Variants in SLC38A10 observed in about 807,000 individuals in gnomAD.
SLC38A10 encodes solute carrier family 38 member 10, also known as Sodium-coupled neutral amino acid transporter 10.
SLC38A10 carries 53 observed loss-of-function variants against 81.0 expected under a neutral mutation model. The observed-to-expected ratio is 0.65, with a 90% CI of 0.53 to 0.82. The LOEUF (loss-of-function observed/expected upper bound fraction) is 0.82. SLC38A10 is among the 40% of genes least tolerant of loss of function. The pLI is 0.00. For missense variants in SLC38A10, 1,471 were observed against 1,545.0 expected, an observed-to-expected ratio of 0.95 and a Z score of 0.80; for synonymous variants, 665 against 655.3, an observed-to-expected ratio of 1.01 and a Z score of -0.23.
intron 11 of SLC38A10, among the ~76,000 whole-genome samples, chr17:81,257,640 G>C (rs1598385405): frequency 6.6e-6 from 1 of 152,236 alleles, no homozygotes; most frequent in South Asian, 2.1e-4. Context: ...GCTTGGGCCT[G>C]AGCACACAGA....
chr17:81,284,793 T>A, intron 3 of SLC38A10, 57 bp downstream of exon 3: 3 of 1,255,234 alleles, frequency 2.4e-6, no homozygotes, highest in Non-Finnish European at 3.2e-6. Flanking sequence ...ACCGGGAGGG[T>A]CCCCAGTGTC....
chr17:81,284,881 C>T lies in SLC38A10; in HGVS notation c.232G>A (p.Gly78Arg), dbSNP rs754405458. The change falls in exon 3 of 16, where the codon GGG (glycine) becomes AGG (arginine). Residue 78 changes from glycine to arginine, a missense_variant. Gly to Arg is a moderately radical substitution (Grantham distance 125, BLOSUM62 -2). Transcript: ENST00000374759. The part of the protein sequence containing the change: ...TYAGLAFHAY[G>R]KAGKMLVETS... ...TCCACCAGCATCTTGCCTGCCTTCC[C>T]GTAGGCGTGGAATGCTAGTGCAAAA... 20 of 1,545,334 alleles carry T rather than the reference C, an allele frequency of 1.3e-5. No homozygotes were observed. Among genetic ancestry groups the T allele is most frequent in the East Asian group, 2.5e-5 (1 of 40,258 alleles).
chr17:81,260,288 C>T lies in SLC38A10; in HGVS notation c.1238G>A (p.Arg413Gln), dbSNP rs1308817863. The change falls in exon 11 of 16, where the codon CGG (arginine) becomes CAG (glutamine). Residue 413 changes from arginine to glutamine, a missense_variant. Physicochemically the swap from Arg to Gln is conservative, Grantham distance 43. Coordinates refer to ENST00000374759, the MANE Select transcript of SLC38A10 (RefSeq NM_001037984.3). ...EDLAEEAPGG[R>Q]LGEAEGLMKV... ...CATCAAACCCTCGGCCTCTCCAAGC[C>T]GGCCGCCAGGGGCTTCCTCTGCCAA... The T allele has an allele frequency of 3.1e-6, 5 of 1,606,520 alleles. No homozygotes were observed. Among genetic ancestry groups the T allele is most frequent in the East Asian group, 2.2e-5 (1 of 44,688 alleles).
chr17:81,246,378 G>C lies in SLC38A10; in HGVS notation c.2538C>G (p.Gly846=). The C allele has an allele frequency of 1.2e-6, 2 of 1,601,286 alleles. No individual in the cohort carries two copies. The highest frequency in any genetic ancestry group is 1.7e-6 in the Non-Finnish European group (2 of 1,176,178). The change falls in exon 16 of 16, where the codon GGC becomes GGG. Residue 846 remains glycine, a synonymous_variant. Coordinates refer to ENST00000374759, the MANE Select transcript of SLC38A10 (RefSeq NM_001037984.3). ...GGCCCTTGGGGAGCTCCTTCACAGT[G>C]CCAGCTGCCCTGGGGGCGGCATCCT... ...GQKDAAPRAA[G]TVKELPKGPE... is the part of the protein sequence containing the mutation.
intron 10 of SLC38A10, among the ~76,000 whole-genome samples, chr17:81,267,422 A>C (rs2063079497): frequency 6.6e-6 from 1 of 152,174 alleles, no homozygotes; most frequent in African/African-American, 2.4e-5. Flanking sequence ...TTCTTCTTTT[A>C]AAATAGTACT....
chr17:81,287,903 A>G (rs2063280723), intron 2 of SLC38A10, among the ~76,000 whole-genome samples: 1 of 152,188 alleles, frequency 6.6e-6, no homozygotes, highest in African/African-American at 2.4e-5. Flanking sequence ...GACCTCAGTG[A>G]GGAGAAAAGG....
intron 14 of SLC38A10, 123 bp from the exon 15 acceptor site, chr17:81,247,184 G>C: frequency 1.0e-6 from 1 of 984,492 alleles, no homozygotes; most frequent in Non-Finnish European, 1.4e-6. Flanking sequence ...CCCGAACACT[G>C]GCCACTGGTG....
At chr17:81,261,897 C>T (rs1026001798) in intron 10 of SLC38A10, among the ~76,000 whole-genome samples, 3 of 152,342 alleles carry the variant, frequency 2.0e-5, no homozygotes, top group Non-Finnish European at 2.9e-5. Flanking sequence ...TCCGGAGGTC[C>T]GGACGGGGCC....
chr17:81,256,128 A>C (rs1342180351), intron 11 of SLC38A10, among the ~76,000 whole-genome samples: 1 of 152,170 alleles, frequency 6.6e-6, no homozygotes, highest in African/African-American at 2.4e-5. Context: ...ACCCACAAAA[A>C]CACACACCTT....
chr17:81,292,367 C>T (rs1328888109), intron 1 of SLC38A10, among the ~76,000 whole-genome samples: 1 of 152,022 alleles, frequency 6.6e-6, no homozygotes, highest in African/African-American at 2.4e-5. Flanking sequence ...CCTCGTGATC[C>T]ACCCTCCTCA....
rs767303087 is a variant in SLC38A10, at chr17:81,246,146, G to A, written c.2770C>T (p.Pro924Ser). The change falls in exon 16 of 16, where the codon CCT becomes TCT. Residue 924 changes from proline to serine, a missense_variant. Pro to Ser is a moderately conservative substitution (Grantham distance 74). Around this residue, in one of 2 missense-constraint regions of SLC38A10, gnomAD observed 751 missense variants for 717.4 expected, o/e 1.05. Coordinates refer to ENST00000374759, the MANE Select transcript of SLC38A10 (RefSeq NM_001037984.3). ...CTCACTTGCTTGGGCTTCATGCGAG[G>A]GTCCCCCGTCTCTGCTCCTGGCCCT... ...VAGPGAETGD[P>S]RMKPKQVSRD... 6.2e-7 allele frequency: 1 copy of A among 1,610,916 alleles called. No homozygotes were observed. Among genetic ancestry groups the A allele is most frequent in the Non-Finnish European group, 8.5e-7 (1 of 1,179,816 alleles).
At chr17:81,291,354 G>A (rs113880513) in intron 1 of SLC38A10, among the ~76,000 whole-genome samples, 27 of 152,064 alleles carry the variant, frequency 1.8e-4, no homozygotes, top group Middle Eastern at 3.4e-3. Context: ...AGGCTTGGTG[G>A]TGGGCGCCTG....
intron 15 of SLC38A10, 70 bp downstream of exon 15, chr17:81,246,815 C>T: frequency 6.6e-7 from 1 of 1,519,156 alleles, no homozygotes; most frequent in Non-Finnish European, 8.8e-7. Context: ...AGCCTCAGAC[C>T]CAGCCGCATG....
Position 81,286,180 on chromosome 17 carries a change from G to A in SLC38A10, c.218-1285C>T, listed in dbSNP as rs994775869. Among the ~76,000 whole-genome samples, 25 of 152,162 alleles carry A rather than the reference G, an allele frequency of 1.6e-4. No homozygotes were observed. Among genetic ancestry groups the A allele is most frequent in the African/African-American group, 5.8e-4 (24 of 41,428 alleles). On this transcript the variant is annotated intron_variant, in intron 2 of 15. Coordinates refer to ENST00000374759, the MANE Select transcript of SLC38A10 (RefSeq NM_001037984.3). The surrounding 1 kb of genome is among the most constrained non-coding windows in gnomAD (Gnocchi z 6.0). Reference sequence around the variant, plus strand: ...GCACAGCCCGGAAGCAACAAAACACGGCGCTCCAAACATGAAGTTGCTCCT... The same window carrying A: ...GCACAGCCCGGAAGCAACAAAACACAGCGCTCCAAACATGAAGTTGCTCCT...
At chr17:81,273,377 C>A (rs2063134249) in intron 8 of SLC38A10, among the ~76,000 whole-genome samples, 1 of 152,108 alleles carries the variant, frequency 6.6e-6, no homozygotes. Flanking sequence ...ACTCACCAGC[C>A]CCACCTGTGT....
rs755370875 is a variant in SLC38A10 at position 81,251,267 on chromosome 17, C to G, written c.2065+226G>C. ...GTAATCACAAGCCATGTGACGATGCCGCAGGTGTTTAAAGGGGAGTAAGGC... is the reference window on the plus strand; with the variant it reads ...GTAATCACAAGCCATGTGACGATGCGGCAGGTGTTTAAAGGGGAGTAAGGC... On this transcript the variant is annotated intron_variant, in intron 14 of 15. Coordinates refer to ENST00000374759, the MANE Select transcript of SLC38A10 (RefSeq NM_001037984.3). 6.8e-6 allele frequency: 10 copies of G among 1,474,254 alleles called. No individual in the cohort carries two copies. In the Admixed American group the frequency reaches 1.5e-4, roughly 22 times the overall value. The allele number at this position is 1,474,254 out of a possible 1,614,324, so 91.3% of individuals were successfully genotyped here. A position where few individuals can be genotyped will look rare whatever the true frequency, so the allele number is the denominator to read the frequency against.
intron 1 of SLC38A10, among the ~76,000 whole-genome samples, chr17:81,293,038 C>T (rs1054553434): frequency 1.3e-5 from 2 of 152,222 alleles, no homozygotes; most frequent in African/African-American, 4.8e-5. Context: ...TGGCACATGC[C>T]TGTAATCCCA....
rs2063335812 is a variant in SLC38A10 at position 81,294,822 on chromosome 17, CCTGTTTG to C, written c.93_99del (p.Lys32AlafsTer16). 1 of 1,585,204 alleles carries C rather than the reference CCTGTTTG, an allele frequency of 6.3e-7. No individual in the cohort carries two copies. Among genetic ancestry groups the C allele is most frequent in the Non-Finnish European group, 8.6e-7 (1 of 1,167,294 alleles). On this transcript the variant is annotated frameshift_variant and splice_region_variant, in exon 1 of 16. Transcript: ENST00000374759. LOFTEE classifies it high-confidence loss of function. The stretch of plus-strand genomic sequence containing the variant: ...GTGATCTCCGGGCCCACCGGACTCA[CCTGTTTG>C]AAGCAGAAGGGCATGGTGAGGACAC...
chr17:81,254,005 C>G lies in SLC38A10; in HGVS notation c.1289-765G>C, dbSNP rs117415298. On this transcript the variant is annotated intron_variant, in intron 11 of 15. Transcript: ENST00000374759. ...CATCGCTGCATCATTGCCACCACCTCCATAATCATCACCTACATCACCGTC... is the reference window on the plus strand; with the variant it reads ...CATCGCTGCATCATTGCCACCACCTGCATAATCATCACCTACATCACCGTC... Among the ~76,000 whole-genome samples, 459 of 152,208 alleles carry G rather than the reference C, an allele frequency of 3.0e-3. 6 individuals are homozygous for G. In the East Asian group the frequency reaches 0.06, roughly 20 times the overall value.
Sources: gnomAD v4.1 joint callset for allele counts (sites outside exome capture counted in the v4.1 genomes callset) on GRCh38, gnomAD v4.1.1 for gene constraint, gnomAD v4.1.1 regional missense constraint, Gnocchi (gnomAD v3.1) non-coding constraint, MANE v1.5 for transcripts, NCBI Gene and HGNC (gene_info 2026-07-23, HGNC 2026-07-21) for gene names.